The following TMPRSS6 variants were observed in gnomAD, a reference collection of about 807,000 sequenced individuals.
The protein encoded by TMPRSS6 is transmembrane serine protease 6, also known as transmembrane protease serine 6.
TMPRSS6 carries 67 observed loss-of-function variants against 101.5 expected under a neutral mutation model. That is an observed-to-expected ratio of 0.66 (90% confidence interval 0.54 to 0.81). TMPRSS6 has a LOEUF of 0.81. Among genes scored for constraint, TMPRSS6 ranks in the 30% least tolerant of loss-of-function variants. The pLI, the probability that TMPRSS6 is intolerant of heterozygous loss-of-function variation, is 0.00. For missense variants in TMPRSS6, 1,034 were observed against 1,088.7 expected (o/e 0.95, Z 0.71); for synonymous variants, 453 against 464.9 (o/e 0.97, Z 0.33).
At chr22:37,077,502 A>G (rs190435216) in intron 10 of TMPRSS6, among the ~76,000 whole-genome samples, 9 of 152,366 alleles carry the variant, frequency 5.9e-5, no homozygotes, top group East Asian at 1.9e-4. Context: ...AGTAACACTC[A>G]GATATCATTT....
intron 12 of TMPRSS6, among the ~76,000 whole-genome samples, chr22:37,074,000 C>T (rs1272266372): frequency 1.3e-5 from 2 of 152,122 alleles, no homozygotes; most frequent in Non-Finnish European, 2.9e-5. Context: ...CCGCTCGACT[C>T]CGCCTCCCAA....
At chr22:37,084,663 G>T in intron 9 of TMPRSS6, 64 bp downstream of exon 9, 1 of 1,386,346 alleles carries the variant, frequency 7.2e-7, no homozygotes, top group Non-Finnish European at 1.0e-6. Context: ...CTCATCCCGG[G>T]TCACCAGGGA....
Position 37,070,380 on chromosome 22 carries a change from C to T in TMPRSS6, c.1841+104G>A, listed in dbSNP as rs181400846. 111 of 1,479,812 alleles carry T rather than the reference C, an allele frequency of 7.5e-5. No homozygotes were observed. In the East Asian group the frequency reaches 2.5e-3, roughly 33 times the overall value. 91.7% of individuals were successfully genotyped at this position (1,479,812 alleles called of 1,614,324 possible). ...ACAGTAGCCTGTCTGGGGGGTCCAC[C>T]ACCCTTCCCTCTATCTGCAAAGAGC... On this transcript the variant is annotated intron_variant, in intron 15 of 17. Transcript: ENST00000676104.
At chr22:37,074,931 T>G (rs959406664) in intron 11 of TMPRSS6, among the ~76,000 whole-genome samples, 1 of 152,240 alleles carries the variant, frequency 6.6e-6, no homozygotes, top group Non-Finnish European at 1.5e-5. Flanking sequence ...TGAGTGTGTA[T>G]TCCTGCAAAC....
intron 6 of TMPRSS6, among the ~76,000 whole-genome samples, chr22:37,094,914 T>C (rs1230114338): frequency 6.6e-6 from 1 of 152,200 alleles, no homozygotes; most frequent in Non-Finnish European, 1.5e-5. Context: ...CAGCAGCCAG[T>C]TGGTGCACTG....
rs1928551596 is a variant in TMPRSS6 at position 37,084,666 on chromosome 22, A to T, written c.1086+61T>A. 9 of 1,406,630 alleles carry T rather than the reference A, an allele frequency of 6.4e-6. No homozygotes were observed. The South Asian group carries it at 1.1e-4, about 17-fold the overall frequency. 87.1% of individuals were successfully genotyped at this position (1,406,630 alleles called of 1,614,324 possible). A position where few individuals can be genotyped will look rare whatever the true frequency, so the allele number is the denominator to read the frequency against. ...ACACTGCCCCCTCTCATCCCGGGTC[A>T]CCAGGGACCTGTAGTGTGCTTGCGG... On this transcript the variant is annotated intron_variant, in intron 9 of 17. Transcript: ENST00000676104.
At chr22:37,072,842 GGATGGATGGATGGAT>G (rs1927229379) in intron 13 of TMPRSS6, among the ~76,000 whole-genome samples, 1 of 144,438 alleles carries the variant, frequency 6.9e-6, no homozygotes, top group Non-Finnish European at 1.5e-5. Context: ...GACGGATGAT[GGATGGATGGATGGAT>G]GATGGATGGA....
At chr22:37,104,798 G>A (rs928830723) in intron 1 of TMPRSS6, among the ~76,000 whole-genome samples, 2 of 151,906 alleles carry the variant, frequency 1.3e-5, no homozygotes, top group Non-Finnish European at 2.9e-5. Context: ...CTGTCACTAT[G>A]AAAAATACAA....
Position 37,069,017 on chromosome 22 carries a change from C to CG in TMPRSS6, c.2113+55dup. 6.5e-7 allele frequency: 1 copy of CG among 1,529,024 alleles called. No individual in the cohort carries two copies. The highest frequency in any genetic ancestry group is 1.2e-5 in the South Asian group (1 of 83,212). 94.7% of individuals were successfully genotyped at this position (1,529,024 alleles called of 1,614,324 possible). ...CCGCCCTTCTCCAGGCCAGGTGTTACGGCGCAGATCCGCACGGTCTCCCTC... is the reference window on the plus strand; with the variant it reads ...CCGCCCTTCTCCAGGCCAGGTGTTACGGGCGCAGATCCGCACGGTCTCCCTC... On this transcript the variant is annotated intron_variant, in intron 16 of 17. Transcript: ENST00000676104. This position sits in a 1 kb window ranked among gnomAD's most constrained non-coding sequence, Gnocchi z 4.8.
rs751890955 is a variant in TMPRSS6 at position 37,103,408 on chromosome 22, C to A, written c.10G>T (p.Ala4Ser). 3.1e-6 allele frequency: 5 copies of A among 1,614,072 alleles called. No homozygotes were observed. The highest frequency in any genetic ancestry group is 1.3e-5 in the African/African-American group (1 of 74,928). ...CCGCCAGCCACCTGGGGGGCCTCGG[C>A]CACGGGCATCCTGCCAGGGAAACAG... MPVAEAPQVAGGQG... is the reference protein window; with the variant it reads MPVSEAPQVAGGQG... The change falls in exon 2 of 18, where the codon GCC (alanine) becomes TCC (serine). Residue 4 changes from alanine to serine, a missense_variant. Coordinates refer to ENST00000676104, the MANE Select transcript of TMPRSS6 (RefSeq NM_001374504.1). This position sits in a 1 kb window ranked among gnomAD's most constrained non-coding sequence, Gnocchi z 4.4.
chr22:37,070,735 G>T, intron 14 of TMPRSS6, 83 bp from the exon 15 acceptor site: 1 of 1,480,944 alleles, frequency 6.8e-7, no homozygotes. Context: ...AAAGGAAAGA[G>T]ATGGAGAGAC....
chr22:37,089,425 CT>C (rs1569015193), intron 7 of TMPRSS6, among the ~76,000 whole-genome samples, 152 bp downstream of exon 7: 1 of 152,216 alleles, frequency 6.6e-6, no homozygotes, highest in African/African-American at 2.4e-5. Context: ...CTCCTCTCCC[CT>C]ATCCCCTCTA....
chr22:37,107,475 G>T (rs1006591331), intron 1 of TMPRSS6, among the ~76,000 whole-genome samples: 9 of 121,876 alleles, frequency 7.4e-5, no homozygotes, highest in African/African-American at 1.3e-4. Context: ...GCCCCCCAAA[G>T]CCAGCCCCTT....
At chr22:37,107,838 C>T (rs1282190533) in intron 1 of TMPRSS6, among the ~76,000 whole-genome samples, 1 of 152,204 alleles carries the variant, frequency 6.6e-6, no homozygotes, top group Admixed American at 6.5e-5. Context: ...TCCCGTCTCT[C>T]CTGCATTTTT....
chr22:37,092,424 C>T lies in TMPRSS6; in HGVS notation c.632-2642G>A, dbSNP rs549943670. Among the ~76,000 whole-genome samples, 33 of 152,270 alleles carry T rather than the reference C, an allele frequency of 2.2e-4. No homozygotes were observed. The South Asian group carries it at 6.4e-3, about 30-fold the overall frequency. Reference sequence around the variant, plus strand: ...CTCATTGCAGCCTCGACCTCCTGAGCTCGGGTGATCCTCCCACCTTAGCCC... The same window carrying T: ...CTCATTGCAGCCTCGACCTCCTGAGTTCGGGTGATCCTCCCACCTTAGCCC... On this transcript the variant is annotated intron_variant, in intron 6 of 17. Coordinates refer to ENST00000676104, the MANE Select transcript of TMPRSS6 (RefSeq NM_001374504.1).
rs372559482 is a variant in TMPRSS6 at position 37,072,672 on chromosome 22, G to A, written c.1555+860C>T. ...GATGATGGATGGATGGATGATGGAT[G>A]GATGGATGATGGATGGATGGGTGAT... is the stretch of plus-strand genomic sequence containing the variant. On this transcript the variant is annotated intron_variant, in intron 13 of 17. Coordinates refer to ENST00000676104, the MANE Select transcript of TMPRSS6 (RefSeq NM_001374504.1). Among the ~76,000 whole-genome samples, 50 of 142,880 alleles carry A rather than the reference G, an allele frequency of 3.5e-4. 1 individual carries two copies. The Middle Eastern group carries it at 0.012, about 33-fold the overall frequency. 93.7% of individuals were successfully genotyped at this position (142,880 alleles called of 152,430 possible).
At chr22:37,096,579 A>T in intron 4 of TMPRSS6, 69 bp downstream of exon 4, 1 of 1,508,420 alleles carries the variant, frequency 6.6e-7, no homozygotes, top group Non-Finnish European at 9.0e-7. Flanking sequence ...TCAGAAGCCT[A>T]CAGAGGCCCC....
At chr22:37,075,312 A>C in intron 10 of TMPRSS6, 32 bp from the exon 11 acceptor site, 1 of 1,612,178 alleles carries the variant, frequency 6.2e-7, no homozygotes, top group Non-Finnish European at 8.5e-7. Context: ...TCAGGGCTGC[A>C]CTGGCTGGTC....
At chr22:37,102,540 G>A (rs564358615) in intron 2 of TMPRSS6, among the ~76,000 whole-genome samples, 7 of 152,300 alleles carry the variant, frequency 4.6e-5, no homozygotes, top group East Asian at 1.9e-4. Flanking sequence ...ATGAATGAAC[G>A]GAGGCCTGGA....
Sources: gnomAD v4.1 joint callset for allele counts (sites outside exome capture counted in the v4.1 genomes callset) on GRCh38, gnomAD v4.1.1 for gene constraint, Gnocchi (gnomAD v3.1) non-coding constraint, MANE v1.5 for transcripts, NCBI Gene and HGNC (gene_info 2026-07-23, HGNC 2026-07-21) for gene names.